Variants in NBAS observed in about 807,000 individuals in gnomAD.
The protein encoded by NBAS is NBAS subunit of NRZ tethering complex, also known as NAG/BC035112 fusion.
A neutral mutation model predicts 302.5 loss-of-function variants in NBAS; 219 were observed. The ratio of observed to expected loss-of-function variants is 0.72; its 90% confidence interval spans 0.65 to 0.81. NBAS has a LOEUF of 0.81. NBAS is among the 30% of genes least tolerant of loss of function. The pLI is 0.00. For synonymous variants in NBAS, 1,118 were observed against 1,021.6 expected, an observed-to-expected ratio of 1.09 and a Z score of -1.80; for missense variants, 2,932 against 2,841.6, an observed-to-expected ratio of 1.03 and a Z score of -0.72.
chr2:15,370,104 C>G (rs1319778603), intron 31 of NBAS, among the ~76,000 whole-genome samples: 1 of 152,186 alleles, frequency 6.6e-6, no homozygotes, highest in Non-Finnish European at 1.5e-5. Context: ...ATCTTTTGCT[C>G]TCACATCTTT....
At position 15,190,326 on chromosome 2, in the gene NBAS, C is replaced by T. The variant is rs778023988; in HGVS notation, c.6510G>A (p.Glu2170=). 1 of 1,613,968 alleles carries T rather than the reference C, an allele frequency of 6.2e-7. No individual in the cohort carries two copies. The highest frequency in any genetic ancestry group is 2.2e-5 in the East Asian group (1 of 44,864). ...GTAAAACCAAGTGCTGAAATTCAGCCTCGTGGTGACTAGATTCCAGGAGTT... is the reference window on the plus strand; with the variant it reads ...GTAAAACCAAGTGCTGAAATTCAGCTTCGTGGTGACTAGATTCCAGGAGTT... ...FMELLESSHH[E]AEFQHLVLLL... is the part of the protein sequence containing the mutation. Residue 2170 remains glutamate, a synonymous_variant, in exon 49 of 52, where the codon GAG becomes GAA. Coordinates refer to ENST00000281513, the MANE Select transcript of NBAS (RefSeq NM_015909.4).
chr2:14,852,699 G>T, the NBAS span, among the ~76,000 whole-genome samples: 2 of 148,660 alleles, frequency 1.3e-5, no homozygotes. Context: ...AACCAAAACA[G>T]CATGGGACTG....
intron 42 of NBAS, among the ~76,000 whole-genome samples, chr2:15,283,596 C>G (rs1406342): frequency 6.6e-6 from 1 of 152,194 alleles, no homozygotes; most frequent in Non-Finnish European, 1.5e-5. Context: ...CCACGTGGAA[C>G]TGAGTCAATT....
At chr2:14,964,259 C>T in the NBAS span, among the ~76,000 whole-genome samples, 1 of 152,090 alleles carries the variant, frequency 6.6e-6, no homozygotes, top group Admixed American at 6.6e-5. Context: ...GACATTAAAA[C>T]AATTATTATT....
the NBAS span, among the ~76,000 whole-genome samples, chr2:15,005,261 C>T: frequency 4.6e-5 from 7 of 152,202 alleles, no homozygotes; most frequent in African/African-American, 1.7e-4. Flanking sequence ...TGAAACTGTA[C>T]ACCTGTTGAC....
chr2:15,343,775 G>A (rs1303328648), intron 35 of NBAS, among the ~76,000 whole-genome samples: 1 of 151,656 alleles, frequency 6.6e-6, no homozygotes, highest in Non-Finnish European at 1.5e-5. Flanking sequence ...AAGCACAGGA[G>A]TAAATTTTTG....
At chr2:15,244,796 T>A (rs1668015746) in intron 44 of NBAS, among the ~76,000 whole-genome samples, 1 of 152,068 alleles carries the variant, frequency 6.6e-6, no homozygotes, top group African/African-American at 2.4e-5. Flanking sequence ...GAAGGCTTGG[T>A]GAATAAAAGG....
chr2:14,927,102 T>G, the NBAS span, among the ~76,000 whole-genome samples: 2 of 152,194 alleles, frequency 1.3e-5, no homozygotes. Flanking sequence ...GCCTTCCAGC[T>G]TCATCTGCAG....
intron 21 of NBAS, among the ~76,000 whole-genome samples, chr2:15,441,326 A>G (rs1418238701): frequency 2.0e-5 from 3 of 152,256 alleles, no homozygotes; most frequent in South Asian, 2.1e-4. Flanking sequence ...AACTCTACAA[A>G]CCAGAAGAGA....
intron 40 of NBAS, among the ~76,000 whole-genome samples, chr2:15,306,654 T>A (rs1310548984): frequency 1.3e-5 from 2 of 152,208 alleles, no homozygotes; most frequent in Admixed American, 6.5e-5. Context: ...TTCTACCATG[T>A]GGAAGAACTA....
the NBAS span, among the ~76,000 whole-genome samples, chr2:15,105,980 G>A: frequency 2.0e-4 from 30 of 152,058 alleles, no homozygotes; most frequent in African/African-American, 6.0e-4. Context: ...CTTGAACAAC[G>A]GGATAGCTAT....
chr2:15,326,370 T>A (rs779063496), intron 38 of NBAS, among the ~76,000 whole-genome samples: 15 of 152,172 alleles, frequency 9.9e-5, no homozygotes, highest in Non-Finnish European at 2.1e-4. Flanking sequence ...AATAAAAATA[T>A]CGTATAAACC....
At chr2:15,329,458 C>T (rs1672222106) in intron 36 of NBAS, among the ~76,000 whole-genome samples, 1 of 152,216 alleles carries the variant, frequency 6.6e-6, no homozygotes, top group African/African-American at 2.4e-5. Context: ...GGACTGATCT[C>T]ACTGTCTCTT....
chr2:14,846,377 C>A, the NBAS span, among the ~76,000 whole-genome samples: 1 of 145,616 alleles, frequency 6.9e-6, no homozygotes, highest in Admixed American at 6.9e-5. Context: ...CCCAGACAGA[C>A]AAAAGCTGAG....
intron 1 of NBAS, among the ~76,000 whole-genome samples, chr2:15,559,762 G>A (rs542668936): frequency 6.6e-6 from 1 of 152,216 alleles, no homozygotes; most frequent in South Asian, 2.1e-4. Flanking sequence ...AGTGCTAAGG[G>A]TTTCAAAGTA....
At chr2:15,156,551 C>A in the NBAS span, among the ~76,000 whole-genome samples, 1 of 152,218 alleles carries the variant, frequency 6.6e-6, no homozygotes, top group African/African-American at 2.4e-5. Context: ...TGCATCCTCA[C>A]ATGGTGGGAG....
the NBAS span, among the ~76,000 whole-genome samples, chr2:15,091,476 G>GT: frequency 1.3e-5 from 2 of 151,450 alleles, no homozygotes; most frequent in Non-Finnish European, 3.0e-5. Flanking sequence ...CTTCCTTGTG[G>GT]TTTTTTTGGC....
intron 40 of NBAS, among the ~76,000 whole-genome samples, chr2:15,303,297 G>A (rs1572621842): frequency 6.6e-6 from 1 of 152,194 alleles, no homozygotes; most frequent in Admixed American, 6.5e-5. Flanking sequence ...AGAAATCGGG[G>A]TAAGAGGGAG....
At chr2:15,075,906 T>C in the NBAS span, among the ~76,000 whole-genome samples, 1 of 152,236 alleles carries the variant, frequency 6.6e-6, no homozygotes, top group Non-Finnish European at 1.5e-5. Context: ...TTTTACTTTG[T>C]ATGAATTTGT....
Sources: allele counts gnomAD v4.1 joint callset (sites outside exome capture counted in the v4.1 genomes callset), GRCh38; gene constraint gnomAD v4.1.1; transcripts MANE v1.5; gene names NCBI Gene and HGNC (gene_info 2026-07-23, HGNC 2026-07-21).